DAB2IP: variants seen among roughly 807,000 people sequenced by gnomAD.
The protein encoded by DAB2IP is DAB2 interacting protein.
In DAB2IP, 28 loss-of-function variants were observed where a neutral mutation model predicts 107.2. The observed-to-expected ratio is 0.26, with a 90% CI of 0.19 to 0.36. The LOEUF (loss-of-function observed/expected upper bound fraction) is 0.36, where lower values mean the gene tolerates loss of function less well. Ranked by LOEUF, DAB2IP falls within the 10% of genes least tolerant of loss-of-function variation. The pLI, the probability that DAB2IP is intolerant of heterozygous loss-of-function variation, is 1.00. For missense variants in DAB2IP, 1,400 were observed against 1,644.7 expected, an observed-to-expected ratio of 0.85 and a Z score of 2.57; for synonymous variants, 755 against 706.4, an observed-to-expected ratio of 1.07 and a Z score of -1.09.
At chr9:121,649,306 T>C (rs367616409), upstream of DAB2IP, among the ~76,000 whole-genome samples, 7 of 107,376 alleles carry the variant, frequency 6.5e-5, no homozygotes, top group East Asian at 7.1e-4. Context: ...AGAGAAGGAC[T>C]TGAAAAGCTG....
chr9:121,617,661 C>T (rs754211327), intron 1 of DAB2IP, among the ~76,000 whole-genome samples: 16 of 152,256 alleles, frequency 1.1e-4, no homozygotes, highest in Non-Finnish European at 1.8e-4. Context: ...CATTCCATGG[C>T]CTTCGGCCTG....
At position 121,776,587 on chromosome 9, in the gene DAB2IP, C is replaced by T. The variant is rs1835216425; in HGVS notation, c.3314+196C>T. 6.6e-6 allele frequency among the ~76,000 whole-genome samples: 1 copy of T among 152,082 alleles called. No individual in the cohort carries two copies. Among genetic ancestry groups the T allele is most frequent in the African/African-American group, 2.4e-5 (1 of 41,422 alleles). On this transcript the variant is annotated intron_variant, in intron 14 of 15. Coordinates refer to ENST00000408936, the Ensembl canonical transcript of DAB2IP. The surrounding 1 kb of genome is among the most constrained non-coding windows in gnomAD (Gnocchi z 5.4). Reference sequence around the variant, plus strand: ...GGAGGTGGCCTGGAGGGTGGGCAGCCCATGCAGAATACAAAGCTGGGGATG... The same window carrying T: ...GGAGGTGGCCTGGAGGGTGGGCAGCTCATGCAGAATACAAAGCTGGGGATG...
intron 1 of DAB2IP, among the ~76,000 whole-genome samples, chr9:121,625,279 G>A (rs952666284): frequency 4.3e-5 from 6 of 138,322 alleles, no homozygotes; most frequent in Admixed American, 1.6e-4. Context: ...CACTCTTGTC[G>A]CCCAGGCTGG....
At chr9:121,749,324 T>C (rs1274814500) in intron 3 of DAB2IP, among the ~76,000 whole-genome samples, 2 of 152,136 alleles carry the variant, frequency 1.3e-5, no homozygotes, top group Non-Finnish European at 2.9e-5. Context: ...ATGTCCAGAC[T>C]CTCTTTTTTT....
At chr9:121,768,798 G>T (rs752243334) in intron 10 of DAB2IP, among the ~76,000 whole-genome samples, 165 bp downstream of exon 10, 7 of 152,328 alleles carry the variant, frequency 4.6e-5, no homozygotes, top group Non-Finnish European at 1.0e-4. Flanking sequence ...TTTTCTCTGT[G>T]GGCAAATGCT....
intron 1 of DAB2IP, among the ~76,000 whole-genome samples, chr9:121,670,755 G>A (rs577702485): frequency 1.3e-5 from 2 of 152,294 alleles, no homozygotes; most frequent in East Asian, 1.9e-4. Context: ...AGTGGGTCAC[G>A]GCTGTGATCC....
At chr9:121,674,114 G>A (rs1833791902) in intron 1 of DAB2IP, among the ~76,000 whole-genome samples, 1 of 152,214 alleles carries the variant, frequency 6.6e-6, no homozygotes, top group African/African-American at 2.4e-5. Flanking sequence ...GGGAGAGCGT[G>A]GTTGCTGGGA....
At chr9:121,738,950 T>G (rs1832123975) in intron 3 of DAB2IP, among the ~76,000 whole-genome samples, 1 of 152,248 alleles carries the variant, frequency 6.6e-6, no homozygotes, top group South Asian at 2.1e-4. Context: ...GTGATTCTGC[T>G]TTGGGAAACA....
intron 1 of DAB2IP, among the ~76,000 whole-genome samples, chr9:121,615,132 A>G (rs4276755): frequency 0.048 from 7,245 of 152,236 alleles, 303 homozygotes; most frequent in South Asian, 0.15. Context: ...GTTACGCCTT[A>G]TGTCTGCAAT....
intron 14 of DAB2IP, among the ~76,000 whole-genome samples, chr9:121,777,570 C>G (rs931293926): frequency 2.0e-5 from 3 of 152,208 alleles, no homozygotes; most frequent in Non-Finnish European, 2.9e-5. Context: ...TTAACACGTT[C>G]GTTTCTACTA....
In DAB2IP at chr9:121,626,305, C is replaced by T. The variant is rs563786170; in HGVS notation, c.41-52373C>T. On this transcript the variant is annotated intron_variant, in intron 1 of 16. Transcript: ENST00000259371. Reference sequence around the variant, plus strand: ...ACTGTCCTCAGAGAGCCTGTGTTTCCGGGGGTGAGGGCATCCAAAATGGGC... The same window carrying T: ...ACTGTCCTCAGAGAGCCTGTGTTTCTGGGGGTGAGGGCATCCAAAATGGGC... Among the ~76,000 whole-genome samples, 15 of 151,638 alleles carry T rather than the reference C, an allele frequency of 9.9e-5. No homozygotes were observed. The South Asian group carries it at 2.3e-3, about 23-fold the overall frequency.
intron 1 of DAB2IP, among the ~76,000 whole-genome samples, chr9:121,642,058 T>A (rs1589442666): frequency 8.8e-6 from 1 of 113,174 alleles, no homozygotes; most frequent in African/African-American, 3.9e-5. Flanking sequence ...TTTCTTTCTT[T>A]CTTTCTTTCT....
At chr9:121,594,960 C>G (rs994989653) in intron 1 of DAB2IP, among the ~76,000 whole-genome samples, 3 of 152,028 alleles carry the variant, frequency 2.0e-5, no homozygotes, top group Non-Finnish European at 4.4e-5. Context: ...TGTGCAAATT[C>G]CTGGGGCATG....
chr9:121,703,956 T>G (rs1229085355), intron 3 of DAB2IP, among the ~76,000 whole-genome samples: 7 of 152,202 alleles, frequency 4.6e-5, no homozygotes, highest in Non-Finnish European at 4.4e-5. Flanking sequence ...CACAGGATGT[T>G]TTCCTAGGGA....
chr9:121,782,775 C>A lies in DAB2IP; in HGVS notation c.*277C>A. 1 of 1,302,512 alleles carries A rather than the reference C, an allele frequency of 7.7e-7. No homozygotes were observed. The highest frequency in any genetic ancestry group is 9.8e-7 in the Non-Finnish European group (1 of 1,022,194). 80.7% of individuals were successfully genotyped at this position (1,302,512 alleles called of 1,614,324 possible). ...CAGCCTGATGGGGCAGGGGGCCTGC[C>A]AAAAATATGTCTGTTGGTTCCTGAA... On this transcript the variant is annotated 3_prime_UTR_variant, in exon 16 of 16. Transcript: ENST00000408936. The surrounding 1 kb of genome is among the most constrained non-coding windows in gnomAD (Gnocchi z 6.1).
Position 121,736,887 on chromosome 9 carries a change from G to A in DAB2IP, c.363-20126G>A, listed in dbSNP as rs933296293. On this transcript the variant is annotated intron_variant, in intron 3 of 15. Transcript: ENST00000408936. This position sits in a 1 kb window ranked among gnomAD's most constrained non-coding sequence, Gnocchi z 4.6. ...CCGGACATTTTCATGATAGGTAAAA[G>A]ACAGAAACAAACAAGATGACTTCAG... Among the ~76,000 whole-genome samples, 1 of 152,210 alleles carries A rather than the reference G, an allele frequency of 6.6e-6. No individual in the cohort carries two copies. The highest frequency in any genetic ancestry group is 1.5e-5 in the Non-Finnish European group (1 of 68,034).
intron 1 of DAB2IP, among the ~76,000 whole-genome samples, chr9:121,666,451 CCA>C (rs1357595124): frequency 1.3e-5 from 2 of 152,128 alleles, no homozygotes; most frequent in Admixed American, 1.3e-4. Context: ...CCTCCCTGTC[CCA>C]GAGAGGCGTG....
rs575738772 is a variant in DAB2IP, at chr9:121,781,085, G to A, written c.3315-379G>A. On this transcript the variant is annotated intron_variant, in intron 14 of 15. Transcript: ENST00000408936. ...TTTGTGAAGATGGCGGGGGCAGGGT[G>A]GAAAAAGTTCTAGAGCCTTTCAGGG... Among the ~76,000 whole-genome samples the A allele has an allele frequency of 1.4e-4, 22 of 152,276 alleles. No homozygotes were observed. The East Asian group carries it at 3.5e-3, about 24-fold the overall frequency.
chr9:121,578,599 C>G (rs1830118411), intron 1 of DAB2IP, among the ~76,000 whole-genome samples: 1 of 151,856 alleles, frequency 6.6e-6, no homozygotes, highest in Non-Finnish European at 1.5e-5. Flanking sequence ...CACCTCCTGC[C>G]CACCCTCCTG....
Sources: allele counts gnomAD v4.1 joint callset (sites outside exome capture counted in the v4.1 genomes callset), GRCh38; gene constraint gnomAD v4.1.1; non-coding constraint Gnocchi (gnomAD v3.1); transcripts MANE v1.5; gene names NCBI Gene and HGNC (gene_info 2026-07-23, HGNC 2026-07-21).